The following COLEC11 variants were observed in gnomAD, a reference collection of about 807,000 sequenced individuals.
COLEC11 encodes collectin subfamily member 11.
COLEC11 carries 20 observed loss-of-function variants against 27.3 expected under a neutral mutation model. The ratio of observed to expected loss-of-function variants is 0.73; its 90% CI spans 0.51 to 1.06. COLEC11 has a LOEUF of 1.06. Ranked by LOEUF, COLEC11 falls within the 50% of genes least tolerant of loss-of-function variation. COLEC11 has a pLI of 0.00. For missense variants in COLEC11, 310 were observed against 383.0 expected, an observed-to-expected ratio of 0.81 and a Z score of 1.59; for synonymous variants, 163 against 154.7, an observed-to-expected ratio of 1.05 and a Z score of -0.40.
chr2:3,603,030 C>G (rs1209504202), intron 1 of COLEC11, among the ~76,000 whole-genome samples: 1 of 152,256 alleles, frequency 6.6e-6, no homozygotes, highest in Non-Finnish European at 1.5e-5. Context: ...TCGGCATCCA[C>G]AAATGTTTCT....
rs1662345391 is a variant in COLEC11 at position 3,602,974 on chromosome 2, T to C, written c.-26-1341T>C. ...CTTCCAATAGGAATAAAAACATAAA[T>C]GTTCTTGCTCTACTCCTGGTGCCTA... On this transcript the variant is annotated intron_variant, in intron 1 of 6. Transcript: ENST00000349077. The surrounding 1 kb of genome is among the most constrained non-coding windows in gnomAD (Gnocchi z 6.2). Among the ~76,000 whole-genome samples, 1 of 152,216 alleles carries C rather than the reference T, an allele frequency of 6.6e-6. No individual in the cohort carries two copies.
chr2:3,637,538 A>G lies in COLEC11; in HGVS notation c.208A>G (p.Met70Val). ...GCTCTTATTGTTTTCTACAGGAGACATGGGGGACAAAGGACAGAAAGGCAG... is the reference window on the plus strand; with the variant it reads ...GCTCTTATTGTTTTCTACAGGAGACGTGGGGGACAAAGGACAGAAAGGCAG... ...RVGPTGEKGD[M>V]GDKGQKGSVG... Residue 70 changes from methionine to valine, a missense_variant, in exon 4 of 7, where the codon ATG (methionine) becomes GTG (valine). Met to Val is a conservative substitution (Grantham distance 21, BLOSUM62 1). Coordinates refer to ENST00000349077, the MANE Select transcript of COLEC11 (RefSeq NM_024027.5). The G allele has an allele frequency of 6.2e-7, 1 of 1,614,104 alleles. No homozygotes were observed. The highest frequency in any genetic ancestry group is 8.5e-7 in the Non-Finnish European group (1 of 1,179,954).
At chr2:3,626,877 C>G (rs375715636) in intron 3 of COLEC11, among the ~76,000 whole-genome samples, 1 of 152,158 alleles carries the variant, frequency 6.6e-6, no homozygotes, top group African/African-American at 2.4e-5. Flanking sequence ...AGGCGGTGCC[C>G]GGGCCCCAGG....
rs368961515 is a variant in COLEC11, at chr2:3,620,110, A to AT, written c.202+6734dup. On this transcript the variant is annotated intron_variant, in intron 3 of 6. Coordinates refer to ENST00000349077, the MANE Select transcript of COLEC11 (RefSeq NM_024027.5). ...GTTCAGAAGTATTCTCTCCTCTTCA[A>AT]TTTTTTGTAAGATTTTAGAAGGATT... Among the ~76,000 whole-genome samples, 528 of 152,228 alleles carry AT rather than the reference A, an allele frequency of 3.5e-3. 4 individuals carry two copies. The highest frequency in any genetic ancestry group is 0.012 in the African/African-American group (508 of 41,538).
chr2:3,604,756 A>G (rs1170399090), intron 2 of COLEC11, among the ~76,000 whole-genome samples: 2 of 152,174 alleles, frequency 1.3e-5, no homozygotes, highest in Non-Finnish European at 2.9e-5. Context: ...GACCCTGCAC[A>G]CATGGCCTCG....
chr2:3,606,097 G>A (rs1662669788), intron 2 of COLEC11: 5 of 1,550,584 alleles, frequency 3.2e-6, no homozygotes, highest in South Asian at 2.4e-5. Context: ...TTGTGGTAGC[G>A]TGTGTGGGTT....
At chr2:3,616,141 C>T (rs1327849789) in intron 3 of COLEC11, among the ~76,000 whole-genome samples, 7 of 146,562 alleles carry the variant, frequency 4.8e-5, no homozygotes, top group Admixed American at 2.7e-4. Flanking sequence ...TGGGCAGAGG[C>T]GCTCCTCACA....
chr2:3,641,980 C>T (rs1234809451), intron 5 of COLEC11, among the ~76,000 whole-genome samples: 1 of 152,218 alleles, frequency 6.6e-6, no homozygotes, highest in African/African-American at 2.4e-5. Flanking sequence ...AGCCCCGGCA[C>T]CACGGAGGCG....
At chr2:3,634,738 C>G (rs548847794) in intron 3 of COLEC11, among the ~76,000 whole-genome samples, 1 of 152,020 alleles carries the variant, frequency 6.6e-6, no homozygotes, top group African/African-American at 2.4e-5. Flanking sequence ...CACAGGCTGC[C>G]GTGGAGAGGG....
At chr2:3,618,143 C>A (rs1203173970) in intron 3 of COLEC11, among the ~76,000 whole-genome samples, 2 of 152,176 alleles carry the variant, frequency 1.3e-5, no homozygotes, top group Non-Finnish European at 2.9e-5. Context: ...TCCATAGGTA[C>A]CTTTCTGTTT....
At chr2:3,633,105 C>T (rs562168618) in intron 3 of COLEC11, among the ~76,000 whole-genome samples, 7 of 152,308 alleles carry the variant, frequency 4.6e-5, no homozygotes, top group Admixed American at 2.0e-4. Flanking sequence ...GAGAGAGAAG[C>T]GGCCCACAGG....
intron 3 of COLEC11, among the ~76,000 whole-genome samples, chr2:3,636,134 G>C (rs1665393884): frequency 6.6e-6 from 1 of 152,232 alleles, no homozygotes; most frequent in Non-Finnish European, 1.5e-5. Context: ...CTGCAGGACA[G>C]AGTGTTATCT....
chr2:3,604,985 TTGTC>T (rs777116374), intron 2 of COLEC11: 43 of 441,498 alleles, frequency 9.7e-5, no homozygotes, highest in Non-Finnish European at 1.6e-4. Context: ...TCTTGTTGCT[TTGTC>T]TGTAATCTGC....
At chr2:3,616,179 G>A (rs1238347585) in intron 3 of COLEC11, among the ~76,000 whole-genome samples, 3 of 150,002 alleles carry the variant, frequency 2.0e-5, no homozygotes, top group Non-Finnish European at 3.0e-5. Flanking sequence ...GGGCAGAGGC[G>A]CTCCCCACAT....
rs987702783 is a variant in COLEC11 at position 3,602,551 on chromosome 2, C to G, written c.-26-1764C>G. Among the ~76,000 whole-genome samples, 2 of 152,206 alleles carry G rather than the reference C, an allele frequency of 1.3e-5. No homozygotes were observed. The highest frequency in any genetic ancestry group is 2.9e-5 in the Non-Finnish European group (2 of 68,038). ...CCACCCACACGTGGGGTCCAGCTGC[C>G]ATCCTCGCCCGCTGTGCTGTTGTGG... is the stretch of plus-strand genomic sequence containing the variant. On this transcript the variant is annotated intron_variant, in intron 1 of 6. Coordinates refer to ENST00000349077, the MANE Select transcript of COLEC11 (RefSeq NM_024027.5). This position sits in a 1 kb window ranked among gnomAD's most constrained non-coding sequence, Gnocchi z 6.2.
At chr2:3,604,578 C>T (rs563473941) in intron 2 of COLEC11, 108 bp downstream of exon 2, 1 of 1,246,174 alleles carries the variant, frequency 8.0e-7, no homozygotes, top group East Asian at 2.3e-5. Context: ...CCCAGCAAAT[C>T]TGCTTACCCC....
chr2:3,631,709 C>A (rs899674102), intron 3 of COLEC11, among the ~76,000 whole-genome samples: 2 of 151,244 alleles, frequency 1.3e-5, no homozygotes, highest in Non-Finnish European at 2.9e-5. Context: ...GGGCTCTGCT[C>A]GGAGGGGGCC....
intron 2 of COLEC11, among the ~76,000 whole-genome samples, 153 bp downstream of exon 2, chr2:3,604,623 G>T (rs575314556): frequency 6.6e-6 from 1 of 152,244 alleles, no homozygotes; most frequent in Non-Finnish European, 1.5e-5. Flanking sequence ...GAAATCAAGG[G>T]TTGGGTGACA....
At chr2:3,634,792 G>A (rs114147760) in intron 3 of COLEC11, among the ~76,000 whole-genome samples, 2,439 of 152,082 alleles carry the variant, frequency 0.016, 54 homozygotes, top group African/African-American at 0.047. Flanking sequence ...TGAAGGCAAC[G>A]CACTGAGCAC....
Sources: gnomAD v4.1 joint callset for allele counts (sites outside exome capture counted in the v4.1 genomes callset) on GRCh38, gnomAD v4.1.1 for gene constraint, Gnocchi (gnomAD v3.1) non-coding constraint, MANE v1.5 for transcripts, NCBI Gene and HGNC (gene_info 2026-07-23, HGNC 2026-07-21) for gene names.